The following RGL1 variants were observed in gnomAD, a reference collection of about 807,000 sequenced individuals.
RGL1 encodes ral guanine nucleotide dissociation stimulator-like 1.
Under a neutral mutation model 95.2 loss-of-function variants are expected in RGL1, and 24 were observed. That is an observed-to-expected ratio of 0.25 (90% CI 0.18 to 0.35). The LOEUF (loss-of-function observed/expected upper bound fraction) is 0.35. Among genes scored for constraint, RGL1 ranks in the 10% least tolerant of loss-of-function variants. The pLI, the probability that RGL1 is intolerant of heterozygous loss-of-function variation, is 1.00. For missense variants in RGL1, 715 were observed against 936.3 expected (o/e 0.76, Z 3.08); for synonymous variants, 329 against 344.9 (o/e 0.95, Z 0.51).
intron 2 of RGL1, among the ~76,000 whole-genome samples, chr1:183,844,899 G>A (rs960735136): frequency 4.6e-5 from 7 of 152,140 alleles, no homozygotes; most frequent in African/African-American, 2.4e-5. Flanking sequence ...ACATAAGCTG[G>A]AGTCTTAATT....
intron 17 of RGL1, 77 bp from the exon 18 acceptor site, chr1:183,926,028 A>T: frequency 7.8e-7 from 1 of 1,285,956 alleles, no homozygotes; most frequent in Non-Finnish European, 1.1e-6. Context: ...GTGTCTGGGC[A>T]AGGTTTACAG....
At chr1:183,836,577 T>C (rs1330609045) in intron 2 of RGL1, among the ~76,000 whole-genome samples, 2 of 152,164 alleles carry the variant, frequency 1.3e-5, no homozygotes, top group Non-Finnish European at 2.9e-5. Context: ...CTTCAGTGTA[T>C]GTTTCAAAGA....
At chr1:183,649,245 A>G (rs1375001636) in intron 1 of RGL1, among the ~76,000 whole-genome samples, 1 of 152,256 alleles carries the variant, frequency 6.6e-6, no homozygotes, top group African/African-American at 2.4e-5. Flanking sequence ...GAATGAATAT[A>G]AAATGCTTCA....
chr1:183,908,029 A>G (rs1043802374), intron 14 of RGL1, among the ~76,000 whole-genome samples: 1 of 151,270 alleles, frequency 6.6e-6, no homozygotes, highest in African/African-American at 2.4e-5. Flanking sequence ...AACAACAACA[A>G]ATATATATAT....
At chr1:183,905,094 C>G in intron 13 of RGL1, 123 bp downstream of exon 13, 1 of 1,265,684 alleles carries the variant, frequency 7.9e-7, no homozygotes, top group Non-Finnish European at 1.1e-6. Flanking sequence ...GGTTCCAGGT[C>G]CTTGGTTTTC....
intron 4 of RGL1, among the ~76,000 whole-genome samples, chr1:183,874,022 G>T (rs1662316540): frequency 6.6e-6 from 1 of 152,256 alleles, no homozygotes; most frequent in African/African-American, 2.4e-5. Flanking sequence ...TCCCTTCTTG[G>T]ACTGTGGGGA....
chr1:183,880,921 G>A lies in RGL1; in HGVS notation c.610+121G>A, dbSNP rs1666791626. ...CTTGGTACCCTCAAAACAACATGCT[G>A]CTGGAGGATTGGCTTGAGTATAAAA... On this transcript the variant is annotated intron_variant, in intron 5 of 17. Coordinates refer to ENST00000360851, the MANE Select transcript of RGL1 (RefSeq NM_001297671.3). The A allele has an allele frequency of 7.2e-6, 6 of 838,376 alleles. No individual in the cohort carries two copies. The Admixed American group carries it at 1.2e-4, about 16-fold the overall frequency. 51.9% of individuals were successfully genotyped at this position (838,376 alleles called of 1,614,324 possible).
chr1:183,659,555 T>C lies in RGL1; in HGVS notation c.-33+23054T>C, dbSNP rs567191845. Among the ~76,000 whole-genome samples the C allele has an allele frequency of 7.2e-4, 108 of 150,170 alleles. 1 individual carries two copies. In the East Asian group the frequency reaches 0.02, roughly 28 times the overall value. On this transcript the variant is annotated intron_variant, in intron 1 of 18. Coordinates refer to the RGL1 transcript ENST00000304685. ...AAAGCCTCCAAGAAATATGGGACTA[T>C]GTGAAAAGACCAAATCTACGTCTGA...
intron 1 of RGL1, among the ~76,000 whole-genome samples, chr1:183,643,689 G>T (rs934795431): frequency 1.3e-5 from 2 of 152,026 alleles, no homozygotes; most frequent in Admixed American, 6.6e-5. Context: ...GGGCTAAAAC[G>T]ATACTCCCAC....
At chr1:183,926,018 G>A in intron 17 of RGL1, 87 bp from the exon 18 acceptor site, 2 of 1,158,000 alleles carry the variant, frequency 1.7e-6, no homozygotes, top group East Asian at 5.0e-5. Flanking sequence ...TCCCGTTCTT[G>A]TGTCTGGGCA....
intron 15 of RGL1, among the ~76,000 whole-genome samples, chr1:183,915,806 C>G (rs1668925599): frequency 6.6e-6 from 1 of 152,188 alleles, no homozygotes; most frequent in African/African-American, 2.4e-5. Context: ...TGTGCTTGCT[C>G]TGGGAACTCG....
intron 2 of RGL1, among the ~76,000 whole-genome samples, chr1:183,826,976 A>T (rs1662909520): frequency 6.6e-6 from 1 of 151,712 alleles, no homozygotes; most frequent in Non-Finnish European, 1.5e-5. Context: ...AGGCTGGAGT[A>T]CAGTGGCATG....
chr1:183,702,711 G>C lies in RGL1; in HGVS notation c.-32-39415G>C, dbSNP rs752360204. Reference sequence around the variant, plus strand: ...CACATACTGATGTGGGCAGGCATTCGAGGCTGGACCAACTGACAGGGGATT... The same window carrying C: ...CACATACTGATGTGGGCAGGCATTCCAGGCTGGACCAACTGACAGGGGATT... On this transcript the variant is annotated intron_variant, in intron 1 of 18. Transcript: ENST00000304685. Among the ~76,000 whole-genome samples, 3 of 152,180 alleles carry C rather than the reference G, an allele frequency of 2.0e-5. No individual in the cohort carries two copies. In the South Asian group the frequency reaches 6.2e-4, roughly 31 times the overall value.
intron 5 of RGL1, 101 bp downstream of exon 5, chr1:183,880,901 T>C: frequency 9.2e-7 from 1 of 1,084,818 alleles, no homozygotes; most frequent in South Asian, 1.6e-5. Context: ...GAAACCTTGG[T>C]ACCCTCAAAA....
intron 2 of RGL1, among the ~76,000 whole-genome samples, chr1:183,786,395 C>T (rs1003555957): frequency 6.6e-6 from 1 of 152,128 alleles, no homozygotes; most frequent in Non-Finnish European, 1.5e-5. Context: ...AAAATCCTGT[C>T]TCTAAACAAA....
chr1:183,749,701 G>A (rs6671911), intron 2 of RGL1, among the ~76,000 whole-genome samples: 24,128 of 152,138 alleles, frequency 0.16, 2,414 homozygotes, highest in African/African-American at 0.28. Context: ...GCTGGTACAG[G>A]TTTTTCCTTT....
At chr1:183,846,278 C>T (rs931367558) in intron 2 of RGL1, among the ~76,000 whole-genome samples, 17 of 151,700 alleles carry the variant, frequency 1.1e-4, no homozygotes, top group African/African-American at 3.9e-4. Context: ...TCATTCTCAG[C>T]AAACTAACAG....
At chr1:183,683,506 G>A (rs1653361644) in intron 1 of RGL1, among the ~76,000 whole-genome samples, 1 of 152,176 alleles carries the variant, frequency 6.6e-6, no homozygotes. Flanking sequence ...ACTCTTTTCT[G>A]GCTTGTAGAG....
chr1:183,677,458 A>AT (rs762935401), intron 1 of RGL1, among the ~76,000 whole-genome samples: 1 of 152,084 alleles, frequency 6.6e-6, no homozygotes, highest in Non-Finnish European at 1.5e-5. Context: ...TTTGCCCATC[A>AT]TTCTGTTCTG....
Sources: allele counts gnomAD v4.1 joint callset (sites outside exome capture counted in the v4.1 genomes callset), GRCh38; gene constraint gnomAD v4.1.1; transcripts MANE v1.5; gene names NCBI Gene and HGNC (gene_info 2026-07-23, HGNC 2026-07-21).